The following PTPRD variants were observed in gnomAD, a reference collection of about 807,000 sequenced individuals.
PTPRD encodes protein tyrosine phosphatase receptor type D.
In PTPRD, 34 loss-of-function variants were observed where a neutral mutation model predicts 214.5. That is an observed-to-expected ratio of 0.16 (90% CI 0.12 to 0.21). The LOEUF (loss-of-function observed/expected upper bound fraction) is 0.21, where lower values mean the gene tolerates loss of function less well. PTPRD is among the 10% of genes least tolerant of loss of function. PTPRD has a pLI of 1.00. For synonymous variants in PTPRD, 1,128 were observed against 845.7 expected, an observed-to-expected ratio of 1.33 and a Z score of -5.79; for missense variants, 2,545 against 2,398.7, an observed-to-expected ratio of 1.06 and a Z score of -1.27.
chr9:8,398,400 G>A (rs988491622), intron 36 of PTPRD, among the ~76,000 whole-genome samples: 1 of 152,052 alleles, frequency 6.6e-6, no homozygotes, highest in Non-Finnish European at 1.5e-5. Context: ...CAGCATATAG[G>A]CCCTCCTAAG....
At chr9:8,763,500 G>C (rs1049706476) in intron 11 of PTPRD, among the ~76,000 whole-genome samples, 6 of 151,846 alleles carry the variant, frequency 4.0e-5, no homozygotes, top group African/African-American at 1.2e-4. Flanking sequence ...GTGACAGAGT[G>C]AGACTTGGTC....
At chr9:9,374,392 T>C (rs1020203029) in intron 9 of PTPRD, among the ~76,000 whole-genome samples, 5 of 152,080 alleles carry the variant, frequency 3.3e-5, no homozygotes, top group East Asian at 1.9e-4. Flanking sequence ...TAAGGTGCTA[T>C]AGAATTTCAA....
intron 7 of PTPRD, among the ~76,000 whole-genome samples, chr9:9,641,574 G>T (rs1366651050): frequency 1.3e-5 from 2 of 152,108 alleles, no homozygotes; most frequent in Non-Finnish European, 1.5e-5. Context: ...CTGACTGAGT[G>T]GTTAAGTTAA....
chr9:8,318,660 A>G (rs564305050), intron 45 of PTPRD, among the ~76,000 whole-genome samples: 21 of 152,174 alleles, frequency 1.4e-4, no homozygotes, highest in African/African-American at 4.8e-4. Context: ...GCCCACATCA[A>G]AAAATACCTG....
intron 9 of PTPRD, among the ~76,000 whole-genome samples, chr9:9,231,959 A>G (rs1473406493): frequency 1.3e-5 from 2 of 152,148 alleles, no homozygotes; most frequent in Non-Finnish European, 2.9e-5. Flanking sequence ...CTGGTGGCAT[A>G]GAATACAATG....
chr9:9,001,659 T>C lies in PTPRD; in HGVS notation c.-104+17038A>G, dbSNP rs79890619. Among the ~76,000 whole-genome samples, 141 of 152,136 alleles carry C rather than the reference T, an allele frequency of 9.3e-4. 3 individuals carry two copies. In the East Asian group the frequency reaches 0.026, roughly 28 times the overall value. On this transcript the variant is annotated intron_variant, in intron 11 of 45. Transcript: ENST00000381196. ...AGCTAGGTTAGGACTTTGAGAGGTTTTTTGGACTACCATTGTGAGCTACAT... is the reference window on the plus strand; with the variant it reads ...AGCTAGGTTAGGACTTTGAGAGGTTCTTTGGACTACCATTGTGAGCTACAT...
intron 19 of PTPRD, among the ~76,000 whole-genome samples, chr9:8,522,613 C>T (rs1479430031): frequency 6.6e-6 from 1 of 152,146 alleles, no homozygotes; most frequent in East Asian, 1.9e-4. Flanking sequence ...CATATTAAAG[C>T]AACATAACAC....
intron 3 of PTPRD, among the ~76,000 whole-genome samples, chr9:10,239,588 T>C (rs1156627883): frequency 1.4e-5 from 2 of 144,486 alleles, no homozygotes; most frequent in African/African-American, 2.5e-5. Flanking sequence ...TCAAGTCTAA[T>C]AGGGTTGATA....
chr9:10,194,343 T>TAG (rs2099388314), intron 3 of PTPRD, among the ~76,000 whole-genome samples: 1 of 41,032 alleles, frequency 2.4e-5, no homozygotes, highest in African/African-American at 8.6e-5. Flanking sequence ...TATATATATA[T>TAG]ATAGAGAGAG....
chr9:9,057,105 C>T (rs1438378392), intron 10 of PTPRD, among the ~76,000 whole-genome samples: 1 of 152,090 alleles, frequency 6.6e-6, no homozygotes, highest in Non-Finnish European at 1.5e-5. Flanking sequence ...GCTATACAAA[C>T]ATATTAAATA....
chr9:9,735,010 T>A (rs1401880242), intron 6 of PTPRD, among the ~76,000 whole-genome samples: 3 of 152,116 alleles, frequency 2.0e-5, no homozygotes, highest in Non-Finnish European at 4.4e-5. Context: ...ATGACAATAA[T>A]TAGTTCTGGC....
At chr9:10,145,415 A>G (rs576184216) in intron 3 of PTPRD, among the ~76,000 whole-genome samples, 2 of 152,284 alleles carry the variant, frequency 1.3e-5, no homozygotes, top group Non-Finnish European at 2.9e-5. Context: ...ACAAAGAGAA[A>G]GAAGACTTTT....
chr9:10,574,675 A>T (rs2068596086), intron 2 of PTPRD, among the ~76,000 whole-genome samples: 1 of 151,990 alleles, frequency 6.6e-6, no homozygotes, highest in Admixed American at 6.6e-5. Flanking sequence ...ATGAATCATT[A>T]TATGATCTAA....
intron 4 of PTPRD, among the ~76,000 whole-genome samples, chr9:9,978,816 C>T (rs1260409408): frequency 6.6e-6 from 1 of 151,976 alleles, no homozygotes; most frequent in African/African-American, 2.4e-5. Context: ...CAGGTACACA[C>T]TGAGATACAT....
intron 2 of PTPRD, among the ~76,000 whole-genome samples, chr9:10,366,378 G>C (rs1396210469): frequency 6.6e-6 from 1 of 152,138 alleles, no homozygotes; most frequent in Non-Finnish European, 1.5e-5. Context: ...CCTCTAGATG[G>C]TGATGCTGCT....
At chr9:9,036,842 C>G (rs541737844) in intron 10 of PTPRD, among the ~76,000 whole-genome samples, 3 of 152,134 alleles carry the variant, frequency 2.0e-5, no homozygotes, top group Non-Finnish European at 4.4e-5. Context: ...CTTGGTTGAG[C>G]CTGCTCAAGT....
intron 4 of PTPRD, among the ~76,000 whole-genome samples, chr9:9,950,341 G>A (rs932919553): frequency 2.6e-5 from 4 of 152,120 alleles, no homozygotes; most frequent in Non-Finnish European, 5.9e-5. Flanking sequence ...GCACAACTTT[G>A]ACAAATGAGC....
At chr9:8,763,610 G>A (rs1030737147) in intron 11 of PTPRD, among the ~76,000 whole-genome samples, 2 of 150,518 alleles carry the variant, frequency 1.3e-5, no homozygotes, top group Non-Finnish European at 3.0e-5. Flanking sequence ...TGCTACAAAT[G>A]TCATTTTTGT....
At chr9:8,501,139 A>G in intron 23 of PTPRD, 80 bp from the exon 24 acceptor site, 4 of 1,078,444 alleles carry the variant, frequency 3.7e-6, no homozygotes, top group Admixed American at 2.8e-5. Flanking sequence ...AAACAAAAGA[A>G]AAGGCAAAAA....
Sources: allele counts gnomAD v4.1 joint callset (sites outside exome capture counted in the v4.1 genomes callset), GRCh38; gene constraint gnomAD v4.1.1; transcripts MANE v1.5; gene names NCBI Gene and HGNC (gene_info 2026-07-23, HGNC 2026-07-21).